Variants in KATNAL2 observed in about 807,000 individuals in gnomAD.
KATNAL2 encodes the protein katanin catalytic subunit A1 like 2.
Under a neutral mutation model 76.3 loss-of-function variants are expected in KATNAL2, and 52 were observed. The observed-to-expected ratio is 0.68, with a 90% CI of 0.55 to 0.86. KATNAL2 has a LOEUF of 0.86. Ranked by LOEUF, KATNAL2 falls within the 40% of genes least tolerant of loss-of-function variation. The probability of loss-of-function intolerance (pLI) is 0.00; values close to 1 mark genes in which losing one functional copy is unlikely to be tolerated. For synonymous variants in KATNAL2, 243 were observed against 244.2 expected (o/e 1.00, Z 0.05); for missense variants, 660 against 668.9 (o/e 0.99, Z 0.15).
chr18:47,041,477 C>G (rs1310202505), intron 3 of KATNAL2, among the ~76,000 whole-genome samples: 1 of 152,160 alleles, frequency 6.6e-6, no homozygotes, highest in Non-Finnish European at 1.5e-5. Flanking sequence ...CAATTGGCTT[C>G]TTCCACTTAG....
intron 1 of KATNAL2, among the ~76,000 whole-genome samples, chr18:46,934,131 A>T (rs1256766434): frequency 1.3e-5 from 2 of 152,126 alleles, no homozygotes; most frequent in Admixed American, 6.5e-5. Context: ...TCTTTATAGC[A>T]GCATGATTTA....
intron 8 of KATNAL2, among the ~76,000 whole-genome samples, chr18:47,061,790 C>T (rs1011945053): frequency 6.6e-6 from 1 of 152,136 alleles, no homozygotes; most frequent in Non-Finnish European, 1.5e-5. Flanking sequence ...CCCTTTAAGT[C>T]TCATGATGAA....
chr18:47,046,177 G>A (rs1270869854), intron 3 of KATNAL2, among the ~76,000 whole-genome samples: 2 of 152,124 alleles, frequency 1.3e-5, no homozygotes, highest in African/African-American at 4.8e-5. Context: ...ACGATTATAA[G>A]CAATAAAAGG....
At chr18:47,034,449 C>T (rs2060656199) in intron 3 of KATNAL2, 1 of 1,614,174 alleles carries the variant, frequency 6.2e-7, no homozygotes, top group Non-Finnish European at 8.5e-7. Flanking sequence ...GCTGCCTGTC[C>T]CTGGCACTTG....
intron 1 of KATNAL2, among the ~76,000 whole-genome samples, chr18:46,936,494 AT>A (rs760626677): frequency 4.9e-4 from 74 of 152,286 alleles, no homozygotes; most frequent in Admixed American, 2.3e-3. Flanking sequence ...ATTCTCAGCT[AT>A]TCAAGAGGCT....
chr18:47,054,520 C>T (rs1484508635), intron 6 of KATNAL2, 82 bp downstream of exon 6: 2 of 1,329,630 alleles, frequency 1.5e-6, no homozygotes, highest in Non-Finnish European at 2.2e-6. Context: ...ACCATCACAG[C>T]TCTGTGACTG....
chr18:46,956,409 C>T (rs114152565), intron 3 of KATNAL2, among the ~76,000 whole-genome samples: 1,928 of 152,228 alleles, frequency 0.013, 36 homozygotes, highest in African/African-American at 0.043. Flanking sequence ...CTCTTTGTTT[C>T]CTACATTTCT....
intron 3 of KATNAL2, among the ~76,000 whole-genome samples, chr18:46,959,003 T>C (rs2146776150): frequency 6.6e-6 from 1 of 152,372 alleles, no homozygotes; most frequent in South Asian, 2.1e-4. Context: ...AATAAGGTCA[T>C]TGACTAGTTT....
chr18:47,045,785 T>C (rs1226555971), intron 3 of KATNAL2, among the ~76,000 whole-genome samples: 2 of 152,264 alleles, frequency 1.3e-5, no homozygotes, highest in African/African-American at 4.8e-5. Context: ...GAAGTATTAC[T>C]GAACATGACT....
chr18:46,936,005 G>T (rs1057377051), intron 1 of KATNAL2, among the ~76,000 whole-genome samples: 3 of 152,132 alleles, frequency 2.0e-5, no homozygotes, highest in Non-Finnish European at 4.4e-5. Flanking sequence ...AGACTTCCTT[G>T]AGTGACTTAA....
intron 1 of KATNAL2, among the ~76,000 whole-genome samples, chr18:46,928,708 C>T (rs183812043): frequency 2.0e-5 from 3 of 152,172 alleles, no homozygotes; most frequent in African/African-American, 7.2e-5. Context: ...CTCCTCCCCC[C>T]TGATACGGAA....
intron 3 of KATNAL2, among the ~76,000 whole-genome samples, chr18:47,035,853 C>T (rs2060750859): frequency 6.6e-6 from 1 of 152,194 alleles, no homozygotes; most frequent in African/African-American, 2.4e-5. Context: ...GAAAATAACA[C>T]AGCAAGACAA....
At chr18:47,045,105 A>T (rs1191934385) in intron 3 of KATNAL2, among the ~76,000 whole-genome samples, 1 of 152,110 alleles carries the variant, frequency 6.6e-6, no homozygotes, top group Non-Finnish European at 1.5e-5. Flanking sequence ...TCTCAAAAAA[A>T]AATTAAAAAA....
chr18:47,092,088 G>C (rs1599861491), intron 15 of KATNAL2, among the ~76,000 whole-genome samples: 1 of 132,292 alleles, frequency 7.6e-6, no homozygotes, highest in South Asian at 2.4e-4. Flanking sequence ...AAGGAAGAGG[G>C]CATCTTGTTT....
At chr18:47,093,875 GTGTT>G (rs1221478148) in intron 15 of KATNAL2, among the ~76,000 whole-genome samples, 1 of 152,164 alleles carries the variant, frequency 6.6e-6, no homozygotes, top group Non-Finnish European at 1.5e-5. Flanking sequence ...ATTTTCCATT[GTGTT>G]TTTAATTTCT....
intron 15 of KATNAL2, chr18:47,091,322 T>C (rs898928922): frequency 6.6e-6 from 1 of 152,228 alleles, no homozygotes; most frequent in Non-Finnish European, 1.5e-5. Flanking sequence ...GAGTCTTTGC[T>C]GCATTTCACA....
chr18:47,075,182 C>A, intron 13 of KATNAL2, 95 bp from the exon 14 acceptor site: 2 of 911,738 alleles, frequency 2.2e-6, no homozygotes, highest in Non-Finnish European at 3.2e-6. Context: ...AGCATAAATG[C>A]TTATTATTAC....
At chr18:46,952,240 A>T (rs1289942935) in intron 3 of KATNAL2, among the ~76,000 whole-genome samples, 1 of 151,090 alleles carries the variant, frequency 6.6e-6, no homozygotes, top group African/African-American at 2.4e-5. Context: ...ACCTGGTTAA[A>T]TTTTTTTATT....
chr18:46,958,751 T>C (rs1055014061), intron 3 of KATNAL2, among the ~76,000 whole-genome samples: 3 of 152,376 alleles, frequency 2.0e-5, no homozygotes, highest in African/African-American at 7.2e-5. Context: ...CAAAGAATTA[T>C]GTCATTGTTT....
Sources: allele counts gnomAD v4.1 joint callset (sites outside exome capture counted in the v4.1 genomes callset), GRCh38; gene constraint gnomAD v4.1.1; transcripts MANE v1.5; gene names NCBI Gene and HGNC (gene_info 2026-07-23, HGNC 2026-07-21).